The following SPRED2 variants were observed in gnomAD, a reference collection of about 807,000 sequenced individuals.
The protein encoded by SPRED2 is sprouty-related, EVH1 domain-containing protein 2.
A neutral mutation model predicts 43.0 loss-of-function variants in SPRED2; 47 were observed. The ratio of observed to expected loss-of-function variants is 1.09; its 90% confidence interval spans 0.87 to 1.40. The LOEUF (loss-of-function observed/expected upper bound fraction) is 1.40. Ranked by LOEUF, SPRED2 falls within the 40% of genes most tolerant of loss-of-function variation. The pLI is 0.00. For synonymous variants in SPRED2, 225 were observed against 225.7 expected, an observed-to-expected ratio of 1.00 and a Z score of 0.03; for missense variants, 561 against 586.4, an observed-to-expected ratio of 0.96 and a Z score of 0.45.
intron 1 of SPRED2, among the ~76,000 whole-genome samples, chr2:65,399,127 G>A (rs143196641): frequency 0.05 from 7,617 of 151,720 alleles, 618 homozygotes; most frequent in African/African-American, 0.17. Flanking sequence ...AAAATAAGCC[G>A]GGTGTGGTGG....
chr2:65,311,624 T>A lies in SPRED2; in HGVS notation c.*1877A>T. The A allele has an allele frequency of 1.0e-6, 1 of 985,842 alleles. No individual in the cohort carries two copies. Among genetic ancestry groups the A allele is most frequent in the Non-Finnish European group, 1.2e-6 (1 of 829,938 alleles). The allele number at this position is 985,842 out of a possible 1,614,324, so 61.1% of individuals were successfully genotyped here. A position where few individuals can be genotyped will look rare whatever the true frequency, so the allele number is the denominator to read the frequency against. ...AGGCTGGCTGAAGGTTTTCTAGATG[T>A]TCTCCAGGCATGGATGAGGTTCTCT... On this transcript the variant is annotated 3_prime_UTR_variant, in exon 6 of 6. Coordinates refer to ENST00000356388, the MANE Select transcript of SPRED2 (RefSeq NM_181784.3).
chr2:65,402,210 C>T (rs1185107632), intron 1 of SPRED2, among the ~76,000 whole-genome samples: 1 of 126,842 alleles, frequency 7.9e-6, no homozygotes, highest in East Asian at 2.6e-4. Context: ...GCCCGGGAGG[C>T]GAAGGTTTCA....
chr2:65,425,306 C>T (rs1017437913), intron 1 of SPRED2, among the ~76,000 whole-genome samples: 5 of 152,218 alleles, frequency 3.3e-5, no homozygotes, highest in Non-Finnish European at 7.3e-5. Context: ...GTTCTAATCT[C>T]TTCAATCACA....
chr2:65,422,663 T>C lies in SPRED2; in HGVS notation c.26+9299A>G, dbSNP rs550597905. Among the ~76,000 whole-genome samples, 5 of 152,264 alleles carry C rather than the reference T, an allele frequency of 3.3e-5. No individual in the cohort carries two copies. In the East Asian group the frequency reaches 9.6e-4, roughly 29 times the overall value. On this transcript the variant is annotated intron_variant, in intron 1 of 5. Transcript: ENST00000356388. ...TCAAGTTATTCCGATTCACAGTATA[T>C]CACACTCCAAATCAACACCTATAAT...
At chr2:65,420,209 CAAAAAAAAAAAAAAAA>C (rs61448407) in intron 1 of SPRED2, among the ~76,000 whole-genome samples, 18,327 of 80,446 alleles carry the variant, frequency 0.23, 1,929 homozygotes, top group Non-Finnish European at 0.28. Flanking sequence ...GACTCTGTCT[CAAAAAAAAAAAAAAAA>C]AAAAAAAAGG....
At chr2:65,365,734 A>G (rs554710666) in intron 1 of SPRED2, among the ~76,000 whole-genome samples, 1 of 152,370 alleles carries the variant, frequency 6.6e-6, no homozygotes, top group African/African-American at 2.4e-5. Context: ...CAAGACTCAC[A>G]AAGTATTTTT....
At chr2:65,353,381 C>T (rs1674564824) in intron 1 of SPRED2, among the ~76,000 whole-genome samples, 2 of 152,220 alleles carry the variant, frequency 1.3e-5, no homozygotes, top group African/African-American at 4.8e-5. Context: ...CTCTCACCCA[C>T]ACACTATTTT....
In SPRED2 at chr2:65,312,854, A is replaced by G. The variant is rs1295372172; in HGVS notation, c.*647T>C. The G allele has an allele frequency of 4.1e-6, 4 of 985,786 alleles. No individual in the cohort carries two copies. The Admixed American group carries it at 2.5e-4, about 61-fold the overall frequency. The allele number at this position is 985,786 out of a possible 1,614,324, so 61.1% of individuals were successfully genotyped here. On this transcript the variant is annotated 3_prime_UTR_variant, in exon 6 of 6. Coordinates refer to ENST00000356388, the MANE Select transcript of SPRED2 (RefSeq NM_181784.3). ...ACAGATTTTGGGGGGGCAGAAAATG[A>G]TGATGGGCTAAAGATAGAAACTGCA...
intron 1 of SPRED2, among the ~76,000 whole-genome samples, chr2:65,388,932 A>G (rs1327999974): frequency 6.6e-6 from 1 of 152,174 alleles, no homozygotes; most frequent in East Asian, 1.9e-4. Flanking sequence ...CCACCAATTC[A>G]GCCAATATCC....
At chr2:65,353,811 T>G (rs1162282038) in intron 1 of SPRED2, among the ~76,000 whole-genome samples, 5 of 152,206 alleles carry the variant, frequency 3.3e-5, no homozygotes, top group Non-Finnish European at 7.3e-5. Context: ...TCCCCATCGC[T>G]GAGTGCTACC....
In SPRED2 at chr2:65,432,025, G is replaced by A. The variant is rs1177762156; in HGVS notation, c.-38C>T. ...CTAGACGCCTGTCCCGCGGCGGGCAGCTTTGCTCCCTTCATCTTCCTGTCC... is the reference window on the plus strand; with the variant it reads ...CTAGACGCCTGTCCCGCGGCGGGCAACTTTGCTCCCTTCATCTTCCTGTCC... On this transcript the variant is annotated 5_prime_UTR_variant, in exon 1 of 6. Transcript: ENST00000356388. 1.2e-6 allele frequency: 2 copies of A among 1,613,404 alleles called. No individual in the cohort carries two copies. The highest frequency in any genetic ancestry group is 1.7e-6 in the Non-Finnish European group (2 of 1,179,900).
chr2:65,318,326 ACTAATACTCC>A (rs925719511), intron 4 of SPRED2, among the ~76,000 whole-genome samples: 19 of 152,128 alleles, frequency 1.2e-4, no homozygotes, highest in Admixed American at 1.0e-3. Flanking sequence ...GAGAAAATAG[ACTAATACTCC>A]CACCTGAGAC....
chr2:65,350,075 C>G (rs75022494), intron 1 of SPRED2, among the ~76,000 whole-genome samples: 2,972 of 152,296 alleles, frequency 0.02, 91 homozygotes, highest in African/African-American at 0.068. Flanking sequence ...GCACTTCACC[C>G]CACCCAGCAC....
intron 1 of SPRED2, among the ~76,000 whole-genome samples, chr2:65,426,163 C>A (rs1252814458): frequency 6.6e-6 from 1 of 152,112 alleles, no homozygotes; most frequent in Admixed American, 6.5e-5. Flanking sequence ...TGTCAGTTCT[C>A]GCAACAATGA....
At chr2:65,334,507 CAAAT>C in intron 3 of SPRED2, 94 bp downstream of exon 3, 1 of 1,484,004 alleles carries the variant, frequency 6.7e-7, no homozygotes, top group Non-Finnish European at 9.2e-7. Flanking sequence ...AACCCTCCCG[CAAAT>C]AAACCACAAA....
downstream of SPRED2, chr2:65,308,216 A>G: frequency 2.5e-6 from 2 of 803,842 alleles, no homozygotes; most frequent in Non-Finnish European, 3.0e-6. Flanking sequence ...TGGGAGGTTC[A>G]GGCAGGCAGT....
chr2:65,336,856 A>G (rs1673980572), intron 2 of SPRED2, among the ~76,000 whole-genome samples: 1 of 152,164 alleles, frequency 6.6e-6, no homozygotes, highest in South Asian at 2.1e-4. Context: ...CGCCTGTAAT[A>G]CCAGCCCTTT....
chr2:65,352,899 C>A (rs1277801502), intron 1 of SPRED2, among the ~76,000 whole-genome samples: 3 of 152,240 alleles, frequency 2.0e-5, no homozygotes, highest in Non-Finnish European at 4.4e-5. Flanking sequence ...GCTGGGATTA[C>A]AGGCGTGAGC....
At chr2:65,325,429 C>T (rs533673305) in intron 4 of SPRED2, among the ~76,000 whole-genome samples, 4 of 152,312 alleles carry the variant, frequency 2.6e-5, no homozygotes, top group Non-Finnish European at 4.4e-5. Context: ...CAGGGAGATT[C>T]GAAAACCTCA....
Sources: allele counts gnomAD v4.1 joint callset (sites outside exome capture counted in the v4.1 genomes callset), GRCh38; gene constraint gnomAD v4.1.1; transcripts MANE v1.5; gene names NCBI Gene and HGNC (gene_info 2026-07-23, HGNC 2026-07-21).